PLXNA4: variants seen among roughly 807,000 people sequenced by gnomAD.
PLXNA4 encodes plexin-A4.
In PLXNA4, 44 loss-of-function variants were observed where a neutral mutation model predicts 191.8. The observed-to-expected ratio is 0.23, with a 90% CI of 0.18 to 0.29. PLXNA4 has a LOEUF of 0.29. Ranked by LOEUF, PLXNA4 falls within the 10% of genes least tolerant of loss-of-function variation. The pLI is 1.00. For synonymous variants in PLXNA4, 1,082 were observed against 1,009.5 expected (o/e 1.07, Z -1.36); for missense variants, 1,800 against 2,488.8 (o/e 0.72, Z 5.89).
intron 1 of PLXNA4, among the ~76,000 whole-genome samples, chr7:132,562,033 C>CCTCCTCCTCCTCCTT (rs1801163473): frequency 2.3e-5 from 1 of 44,060 alleles, no homozygotes; most frequent in Non-Finnish European, 8.1e-5. Context: ...TCCTCCTTCT[C>CCTCCTCCTCCTCCTT]CTCCTCTTCC....
At chr7:132,556,725 C>A (rs561866396) in intron 1 of PLXNA4, among the ~76,000 whole-genome samples, 1 of 152,354 alleles carries the variant, frequency 6.6e-6, no homozygotes, top group South Asian at 2.1e-4. Context: ...AGGGTTCCGT[C>A]CTTGGCGCTG....
intron 4 of PLXNA4, among the ~76,000 whole-genome samples, chr7:132,288,689 A>G (rs1413263419): frequency 6.6e-6 from 1 of 152,178 alleles, no homozygotes; most frequent in East Asian, 1.9e-4. Context: ...CGGCCCCCAC[A>G]GGGGCAGAGA....
chr7:132,449,961 C>T (rs1445446468), intron 3 of PLXNA4, among the ~76,000 whole-genome samples: 4 of 152,232 alleles, frequency 2.6e-5, no homozygotes, highest in Admixed American at 2.6e-4. Context: ...CCCCTGGGGG[C>T]CCTGGGCTAA....
At chr7:132,459,174 G>C (rs912107749) in intron 3 of PLXNA4, among the ~76,000 whole-genome samples, 4 of 152,216 alleles carry the variant, frequency 2.6e-5, no homozygotes, top group Non-Finnish European at 5.9e-5. Context: ...TTGGGCTGCT[G>C]TCTGATCTAA....
chr7:132,292,169 C>T (rs990200988), intron 4 of PLXNA4, among the ~76,000 whole-genome samples: 9 of 152,188 alleles, frequency 5.9e-5, no homozygotes, highest in Non-Finnish European at 1.2e-4. Context: ...ACTATGGATT[C>T]ATTAACTGTT....
At chr7:132,233,977 C>T (rs1343846965) in intron 5 of PLXNA4, among the ~76,000 whole-genome samples, 1 of 152,134 alleles carries the variant, frequency 6.6e-6, no homozygotes, top group African/African-American at 2.4e-5. Context: ...GTGGGCTTGT[C>T]TTTCTCTTTT....
At chr7:132,638,066 C>T (rs1025866421) in intron 2 of PLXNA4, among the ~76,000 whole-genome samples, 40 of 152,192 alleles carry the variant, frequency 2.6e-4, no homozygotes, top group African/African-American at 8.7e-4. Flanking sequence ...TTGACCAGGG[C>T]CCAGGCTGAA....
intron 1 of PLXNA4, among the ~76,000 whole-genome samples, chr7:132,565,628 C>A (rs540366590): frequency 6.6e-6 from 1 of 152,302 alleles, no homozygotes; most frequent in East Asian, 1.9e-4. Context: ...GACCCAGATT[C>A]CCCTTCCGCA....
intron 4 of PLXNA4, among the ~76,000 whole-genome samples, chr7:132,261,280 G>A (rs1041315146): frequency 5.9e-5 from 9 of 152,184 alleles, no homozygotes; most frequent in African/African-American, 9.6e-5. Flanking sequence ...CTGCGGCTGC[G>A]ATGCCTGCAG....
intron 3 of PLXNA4, among the ~76,000 whole-genome samples, chr7:132,351,901 C>G (rs1481531965): frequency 6.6e-6 from 1 of 152,128 alleles, no homozygotes; most frequent in Non-Finnish European, 1.5e-5. Context: ...CATGCAGAGA[C>G]CAGTTGGAAA....
At chr7:132,165,513 TCTAC>T (rs1796096688) in intron 22 of PLXNA4, among the ~76,000 whole-genome samples, 1 of 152,206 alleles carries the variant, frequency 6.6e-6, no homozygotes, top group Non-Finnish European at 1.5e-5. Context: ...GAAAATTTTC[TCTAC>T]CTGTGCCATC....
chr7:132,229,743 G>C (rs144048178), intron 5 of PLXNA4, among the ~76,000 whole-genome samples: 1 of 152,180 alleles, frequency 6.6e-6, no homozygotes, highest in East Asian at 1.9e-4. Context: ...TGGGGAGGGA[G>C]CCTTGGGGAG....
chr7:132,418,103 A>T (rs909785222), intron 3 of PLXNA4, among the ~76,000 whole-genome samples: 1 of 152,196 alleles, frequency 6.6e-6, no homozygotes, highest in Non-Finnish European at 1.5e-5. Context: ...CTCTTTGCTG[A>T]GTCCTTCTAG....
chr7:132,553,950 C>T (rs1800679717), intron 1 of PLXNA4, among the ~76,000 whole-genome samples: 1 of 152,122 alleles, frequency 6.6e-6, no homozygotes, highest in Non-Finnish European at 1.5e-5. Flanking sequence ...TTATTTGCTC[C>T]CAGCTCACAG....
Position 132,159,540 on chromosome 7 carries a change from C to T in PLXNA4, c.4593G>A (p.Lys1531=), listed in dbSNP as rs754856859. 7 of 1,614,028 alleles carry T rather than the reference C, an allele frequency of 4.3e-6. No individual in the cohort carries two copies. The highest frequency in any genetic ancestry group is 1.3e-5 in the African/African-American group (1 of 74,928). Residue 1531 remains lysine (K), a synonymous_variant, in exon 25 of 32, where the codon AAG becomes AAA. Transcript: ENST00000321063. The part of the protein sequence containing the change: ...NCDTITQVKE[K]ILDAIFKNVP... ...CATTCTTGAAGATGGCATCCAGAAT[C>T]TTCTCCTTGACCTGAGTGATGGTGT... is the stretch of plus-strand genomic sequence containing the variant.
At chr7:132,542,986 T>G (rs1461372707) in intron 1 of PLXNA4, among the ~76,000 whole-genome samples, 4 of 152,220 alleles carry the variant, frequency 2.6e-5, no homozygotes, top group Non-Finnish European at 4.4e-5. Context: ...AGGAAACCTG[T>G]GAGTCTATTA....
At chr7:132,538,978 G>A (rs1053285316) in intron 1 of PLXNA4, among the ~76,000 whole-genome samples, 2 of 152,240 alleles carry the variant, frequency 1.3e-5, no homozygotes, top group African/African-American at 4.8e-5. Flanking sequence ...CCTGAATACA[G>A]GTTTCAGATC....
chr7:132,607,127 A>C (rs1230577064), intron 2 of PLXNA4, among the ~76,000 whole-genome samples: 1 of 152,226 alleles, frequency 6.6e-6, no homozygotes, highest in Non-Finnish European at 1.5e-5. Flanking sequence ...AAGTTTAACG[A>C]GACTAACCAA....
intron 20 of PLXNA4, among the ~76,000 whole-genome samples, chr7:132,178,646 C>T (rs192040206): frequency 2.0e-5 from 3 of 152,236 alleles, no homozygotes; most frequent in Admixed American, 6.5e-5. Flanking sequence ...GTAGGATGCA[C>T]AGCCTCCAGC....
Sources: gnomAD v4.1 joint callset for allele counts (sites outside exome capture counted in the v4.1 genomes callset) on GRCh38, gnomAD v4.1.1 for gene constraint, MANE v1.5 for transcripts, NCBI Gene and HGNC (gene_info 2026-07-23, HGNC 2026-07-21) for gene names.